Variants in AMPH observed in about 807,000 individuals in gnomAD.
The protein encoded by AMPH is amphiphysin (Stiff-Mann syndrome with breast cancer 128kD autoantigen).
AMPH carries 49 observed loss-of-function variants against 99.1 expected under a neutral mutation model. That is an observed-to-expected ratio of 0.49 (90% CI 0.39 to 0.63). The LOEUF (loss-of-function observed/expected upper bound fraction) is 0.63. Among genes scored for constraint, AMPH ranks in the 20% least tolerant of loss-of-function variants. The probability of loss-of-function intolerance (pLI) is 0.00; values close to 1 mark genes in which losing one functional copy is unlikely to be tolerated. For missense variants in AMPH, 759 were observed against 863.4 expected, an observed-to-expected ratio of 0.88 and a Z score of 1.52; for synonymous variants, 314 against 317.3, an observed-to-expected ratio of 0.99 and a Z score of 0.11.
intron 3 of AMPH, among the ~76,000 whole-genome samples, chr7:38,496,223 T>C (rs1788927132): frequency 6.6e-6 from 1 of 152,234 alleles, no homozygotes; most frequent in South Asian, 2.1e-4. Context: ...TGGAGGTAGC[T>C]AATTCTGGGT....
At chr7:38,556,994 G>A (rs1562825516) in intron 1 of AMPH, among the ~76,000 whole-genome samples, 2 of 152,134 alleles carry the variant, frequency 1.3e-5, no homozygotes, top group Non-Finnish European at 2.9e-5. Flanking sequence ...ACAATACTAT[G>A]CTTCAGTTCA....
chr7:38,427,649 C>T (rs200877323), intron 14 of AMPH, among the ~76,000 whole-genome samples: 7,666 of 137,308 alleles, frequency 0.056, 318 homozygotes, highest in East Asian at 0.19. Flanking sequence ...GATGCTGCTG[C>T]TTTTTTTTTT....
At chr7:38,406,149 TA>T (rs1469693107) in intron 17 of AMPH, among the ~76,000 whole-genome samples, 9 of 151,778 alleles carry the variant, frequency 5.9e-5, no homozygotes, top group East Asian at 1.9e-4. Context: ...AAGGTAAAAA[TA>T]AAAAAATAGA....
chr7:38,557,142 C>A (rs2129047743), intron 1 of AMPH, among the ~76,000 whole-genome samples: 1 of 152,224 alleles, frequency 6.6e-6, no homozygotes, highest in Non-Finnish European at 1.5e-5. Context: ...GACAAAACAG[C>A]AGGCAAGAAA....
At chr7:38,616,018 T>C (rs935747717) in intron 1 of AMPH, among the ~76,000 whole-genome samples, 20 of 152,162 alleles carry the variant, frequency 1.3e-4, no homozygotes, top group African/African-American at 4.6e-4. Flanking sequence ...CATGTGAGCA[T>C]AGGACACTGC....
intron 1 of AMPH, among the ~76,000 whole-genome samples, chr7:38,572,678 G>GT (rs1304035894): frequency 3.3e-5 from 5 of 152,180 alleles, no homozygotes; most frequent in Non-Finnish European, 7.4e-5. Context: ...GAAGCTGCTG[G>GT]TAAAGCAGCC....
intron 2 of AMPH, among the ~76,000 whole-genome samples, chr7:38,527,065 T>G (rs1790216735): frequency 6.6e-6 from 1 of 152,228 alleles, no homozygotes; most frequent in South Asian, 2.1e-4. Context: ...AAAAACCAGT[T>G]GAGCATATTT....
intron 1 of AMPH, among the ~76,000 whole-genome samples, chr7:38,577,107 G>T (rs1792273932): frequency 1.3e-5 from 2 of 152,178 alleles, no homozygotes. Context: ...TTCAGAAATA[G>T]ATGTTTATGT....
At chr7:38,496,387 C>T (rs56046664) in intron 3 of AMPH, among the ~76,000 whole-genome samples, 3,927 of 152,258 alleles carry the variant, frequency 0.026, 75 homozygotes, top group Admixed American at 0.054. Flanking sequence ...CTCAGAGCAT[C>T]GCTGGGCACA....
chr7:38,574,718 C>G (rs1406296495), intron 1 of AMPH, among the ~76,000 whole-genome samples: 1 of 151,998 alleles, frequency 6.6e-6, no homozygotes, highest in African/African-American at 2.4e-5. Context: ...CTATTTTTTT[C>G]TAGGCCTTCC....
chr7:38,527,320 T>C (rs1188404774), intron 2 of AMPH, among the ~76,000 whole-genome samples: 1 of 152,256 alleles, frequency 6.6e-6, no homozygotes, highest in East Asian at 1.9e-4. Flanking sequence ...GAAATTGCAT[T>C]AAACCTATTG....
chr7:38,432,108 G>A (rs551970872), intron 13 of AMPH, 81 bp downstream of exon 13: 2 of 1,203,888 alleles, frequency 1.7e-6, no homozygotes, highest in Admixed American at 3.4e-5. Flanking sequence ...TCTTTCTGTT[G>A]CAAATGAAAT....
At chr7:38,406,979 C>T (rs1466354805) in intron 17 of AMPH, among the ~76,000 whole-genome samples, 1 of 137,700 alleles carries the variant, frequency 7.3e-6, no homozygotes, top group Non-Finnish European at 1.5e-5. Flanking sequence ...AATCGTGGGA[C>T]TTTGCCTTGT....
chr7:38,490,161 T>C (rs1788667914), intron 5 of AMPH, among the ~76,000 whole-genome samples: 1 of 152,126 alleles, frequency 6.6e-6, no homozygotes, highest in African/African-American at 2.4e-5. Context: ...TACAGAATTT[T>C]TAACAATTTA....
chr7:38,490,986 C>T, intron 5 of AMPH, 64 bp downstream of exon 5: 1 of 1,022,306 alleles, frequency 9.8e-7, no homozygotes, highest in South Asian at 1.5e-5. Context: ...TCTTCTCTTG[C>T]CCATGTTTCA....
At chr7:38,608,360 A>G (rs1271391233) in intron 1 of AMPH, among the ~76,000 whole-genome samples, 1 of 152,184 alleles carries the variant, frequency 6.6e-6, no homozygotes, top group African/African-American at 2.4e-5. Context: ...ACTGAAGGCA[A>G]CGTGCTCTCT....
chr7:38,523,555 C>G (rs189816219), intron 2 of AMPH, among the ~76,000 whole-genome samples: 169 of 152,160 alleles, frequency 1.1e-3, no homozygotes, highest in Non-Finnish European at 1.7e-3. Context: ...AACTGCACTC[C>G]AAAATGACGA....
At chr7:38,500,966 C>T (rs7801174) in intron 3 of AMPH, among the ~76,000 whole-genome samples, 98,460 of 151,338 alleles carry the variant, frequency 0.65, 32,068 homozygotes, top group East Asian at 0.79. Context: ...AGTAAGTGCT[C>T]ATGAAAAAGT....
chr7:38,415,661 T>C (rs1481258779), intron 17 of AMPH, among the ~76,000 whole-genome samples: 1 of 152,178 alleles, frequency 6.6e-6, no homozygotes, highest in Non-Finnish European at 1.5e-5. Context: ...ATGTCCATGT[T>C]AAAAACATGG....
Sources: gnomAD v4.1 joint callset for allele counts (sites outside exome capture counted in the v4.1 genomes callset) on GRCh38, gnomAD v4.1.1 for gene constraint, MANE v1.5 for transcripts, NCBI Gene and HGNC (gene_info 2026-07-23, HGNC 2026-07-21) for gene names.